Variants in DOP1B observed in about 807,000 individuals in gnomAD.
DOP1B encodes the protein DOP1 leucine zipper like protein B.
In DOP1B, 174 loss-of-function variants were observed where a neutral mutation model predicts 233.5. That is an observed-to-expected ratio of 0.75 (90% confidence interval 0.66 to 0.85). The LOEUF is 0.85. Ranked by LOEUF, DOP1B falls within the 40% of genes least tolerant of loss-of-function variation. The pLI, the probability that DOP1B is intolerant of heterozygous loss-of-function variation, is 0.00. For synonymous variants in DOP1B, 1,190 were observed against 1,185.6 expected (o/e 1.00, Z -0.08); for missense variants, 2,652 against 2,846.6 (o/e 0.93, Z 1.56).
At chr21:36,280,182 C>T in intron 30 of DOP1B, 103 bp from the exon 31 acceptor site, 1 of 837,566 alleles carries the variant, frequency 1.2e-6, no homozygotes, top group Non-Finnish European at 1.8e-6. Context: ...GCCCAGAAAG[C>T]AGTTTTTAAT....
At chr21:36,161,947 C>G (rs928499766) in intron 1 of DOP1B, among the ~76,000 whole-genome samples, 1 of 152,216 alleles carries the variant, frequency 6.6e-6, no homozygotes, top group African/African-American at 2.4e-5. Flanking sequence ...TGGTTCCTTT[C>G]CATTGCCTCA....
intron 1 of DOP1B, among the ~76,000 whole-genome samples, chr21:36,160,608 G>T (rs2065860665): frequency 6.6e-6 from 1 of 151,486 alleles, no homozygotes; most frequent in South Asian, 2.1e-4. Context: ...CTCCCGAGTA[G>T]CTGGGATCAC....
intron 26 of DOP1B, among the ~76,000 whole-genome samples, chr21:36,267,715 G>A (rs200772855): frequency 5.1e-5 from 7 of 137,258 alleles, no homozygotes; most frequent in Non-Finnish European, 6.1e-5. Flanking sequence ...TCTATTTTCC[G>A]TAAGTGTCGG....
At chr21:36,289,233 T>C (rs1428142710) in intron 35 of DOP1B, 27 bp downstream of exon 35, 1 of 1,601,010 alleles carries the variant, frequency 6.2e-7, no homozygotes. Flanking sequence ...CGTGTGTCCT[T>C]TTTGAAGTAA....
intron 23 of DOP1B, among the ~76,000 whole-genome samples, chr21:36,256,270 A>G (rs2067096463): frequency 6.6e-6 from 1 of 152,000 alleles, no homozygotes; most frequent in African/African-American, 2.4e-5. Flanking sequence ...GGGAGACATC[A>G]TCTCTACAGT....
chr21:36,282,606 A>G (rs998929288), intron 32 of DOP1B, among the ~76,000 whole-genome samples: 1 of 152,176 alleles, frequency 6.6e-6, no homozygotes, highest in Non-Finnish European at 1.5e-5. Context: ...GGAAGGGGCA[A>G]GATTTTGGAG....
rs1366154536 is a variant in DOP1B at position 36,181,497 on chromosome 21, A to G, written c.138+16626A>G. 2.0e-5 allele frequency among the ~76,000 whole-genome samples: 3 copies of G among 151,394 alleles called. No individual in the cohort carries two copies. The East Asian group carries it at 5.8e-4, about 29-fold the overall frequency. On this transcript the variant is annotated intron_variant, in intron 2 of 36. Coordinates refer to ENST00000691173, the MANE Select transcript of DOP1B (RefSeq NM_001320714.2). The stretch of plus-strand genomic sequence containing the variant: ...TTTCACCATGTTGACCAGGCTGGTC[A>G]TGAACTCCTGACCTCATGTGATCCA...
At chr21:36,244,709 G>A (rs907233188) in intron 18 of DOP1B, among the ~76,000 whole-genome samples, 3 of 152,172 alleles carry the variant, frequency 2.0e-5, no homozygotes, top group African/African-American at 7.2e-5. Context: ...ACAGGTGTGA[G>A]CCACTGCACC....
chr21:36,246,453 C>T lies in DOP1B; in HGVS notation c.4473C>T (p.His1491=), dbSNP rs2066966662. 3.1e-6 allele frequency: 5 copies of T among 1,613,720 alleles called. 1 individual carries two copies. Among genetic ancestry groups the T allele is most frequent in the Non-Finnish European group, 4.2e-6 (5 of 1,179,962 alleles). Residue 1491 remains histidine (H), a synonymous_variant, in exon 19 of 37, where the codon CAC becomes CAT. Transcript: ENST00000691173. This position sits in a 1 kb window ranked among gnomAD's most constrained non-coding sequence, Gnocchi z 5.1. The part of the protein sequence containing the change: ...AISALQYVQP[H]PLTSQGLLVS... ...GCGCCCTGCAGTACGTGCAGCCCCA[C>T]CCCCTCACCTCCCAGGGTCTTCTGG...
Position 36,232,958 on chromosome 21 carries a change from G to A in DOP1B, c.2505G>A (p.Met835Ile), listed in dbSNP as rs750027266. 3.1e-6 allele frequency: 5 copies of A among 1,614,028 alleles called. No homozygotes were observed. The African/African-American group carries it at 6.7e-5, about 22-fold the overall frequency. ...TGGCGCTTGTCATTGAAGACAAGAT[G>A]AAACGCTATAAGAGCTCTGGACACA... ...QSLALVIEDK[M>I]KRYKSSGHNP... is the part of the protein sequence containing the mutation. Residue 835 changes from methionine to isoleucine, a missense_variant, in exon 15 of 37, where the codon ATG becomes ATA. Physicochemically the swap from Met to Ile is conservative, Grantham distance 10. This residue lies in a region of DOP1B where 2,617 missense variants were observed against 2,794.3 expected (regional missense o/e 0.94). Coordinates refer to ENST00000691173, the MANE Select transcript of DOP1B (RefSeq NM_001320714.2).
intron 32 of DOP1B, among the ~76,000 whole-genome samples, chr21:36,285,440 A>G (rs934037547): frequency 4.0e-5 from 6 of 151,632 alleles, no homozygotes; most frequent in African/African-American, 1.5e-4. Flanking sequence ...CGTGTTTTTA[A>G]AAAATAAGCC....
chr21:36,286,458 A>G (rs919107887), intron 32 of DOP1B, among the ~76,000 whole-genome samples: 1 of 151,850 alleles, frequency 6.6e-6, no homozygotes, highest in Non-Finnish European at 1.5e-5. Context: ...AACATGGTGA[A>G]ACCCCATATC....
intron 2 of DOP1B, among the ~76,000 whole-genome samples, chr21:36,183,613 A>G (rs1048041268): frequency 2.0e-5 from 3 of 152,256 alleles, no homozygotes; most frequent in African/African-American, 7.2e-5. Context: ...GAGCAGTTGC[A>G]GAGGACCTTC....
At chr21:36,263,871 T>A in intron 26 of DOP1B, 57 bp downstream of exon 26, 2 of 1,504,014 alleles carry the variant, frequency 1.3e-6, no homozygotes, top group Non-Finnish European at 1.8e-6. Context: ...GCTGTCCTCC[T>A]TTGGGGGATA....
intron 4 of DOP1B, among the ~76,000 whole-genome samples, chr21:36,203,136 T>C (rs549339106): frequency 3.9e-5 from 6 of 152,236 alleles, no homozygotes; most frequent in Admixed American, 1.3e-4. Flanking sequence ...TTAACATTGA[T>C]TTTTTTTCTG....
intron 14 of DOP1B, among the ~76,000 whole-genome samples, chr21:36,232,529 C>G (rs1178577972): frequency 6.6e-6 from 1 of 152,162 alleles, no homozygotes; most frequent in Non-Finnish European, 1.5e-5. Context: ...CACAGGGTGT[C>G]CTCTGTATGT....
chr21:36,205,421 C>T (rs1021040094), intron 4 of DOP1B, among the ~76,000 whole-genome samples: 1 of 151,934 alleles, frequency 6.6e-6, no homozygotes, highest in African/African-American at 2.4e-5. Context: ...TGGAGTCTCA[C>T]TCTGTTGCCC....
In DOP1B at chr21:36,171,891, C is replaced by T. The variant is rs1186984499; in HGVS notation, c.138+7020C>T. Among the ~76,000 whole-genome samples, 5 of 152,170 alleles carry T rather than the reference C, an allele frequency of 3.3e-5. No individual in the cohort carries two copies. In the East Asian group the frequency reaches 5.8e-4, roughly 18 times the overall value. On this transcript the variant is annotated intron_variant, in intron 2 of 36. Transcript: ENST00000691173. ...CCCCTGCTCTCATGGAAAGAAATGA[C>T]GCTTTCTTGGCGAGAGACAGACGAC...
intron 21 of DOP1B, among the ~76,000 whole-genome samples, chr21:36,248,826 C>G (rs527799879): frequency 9.9e-5 from 15 of 152,100 alleles, no homozygotes; most frequent in Non-Finnish European, 1.9e-4. Context: ...AAGTCTTGGC[C>G]GGGCATGGTA....
Sources: allele counts gnomAD v4.1 joint callset (sites outside exome capture counted in the v4.1 genomes callset), GRCh38; gene constraint gnomAD v4.1.1; regional missense constraint gnomAD v4.1.1; non-coding constraint Gnocchi (gnomAD v3.1); transcripts MANE v1.5; gene names NCBI Gene and HGNC (gene_info 2026-07-23, HGNC 2026-07-21).